TPRG1: variants seen among roughly 807,000 people sequenced by gnomAD.
TPRG1 encodes the protein tumor protein p63-regulated gene 1 protein.
A neutral mutation model predicts 29.3 loss-of-function variants in TPRG1; 29 were observed. That is an observed-to-expected ratio of 0.99 (90% CI 0.74 to 1.35). The LOEUF is 1.35. Among genes scored for constraint, TPRG1 ranks in the 40% most tolerant of loss-of-function variants. The pLI is 0.00. For synonymous variants in TPRG1, 130 were observed against 116.8 expected, an observed-to-expected ratio of 1.11 and a Z score of -0.73; for missense variants, 327 against 335.0, an observed-to-expected ratio of 0.98 and a Z score of 0.19.
chr3:189,217,703 T>A (rs1284692049), intron 3 of TPRG1, among the ~76,000 whole-genome samples: 1 of 152,182 alleles, frequency 6.6e-6, no homozygotes, highest in Non-Finnish European at 1.5e-5. Flanking sequence ...CTGCTAGTTG[T>A]AAAGACCATG....
chr3:189,088,893 C>T lies in TPRG1; in HGVS notation c.-462-38164C>T, dbSNP rs563208368. Among the ~76,000 whole-genome samples, 3 of 152,172 alleles carry T rather than the reference C, an allele frequency of 2.0e-5. No individual in the cohort carries two copies. The South Asian group carries it at 6.2e-4, about 32-fold the overall frequency. On this transcript the variant is annotated intron_variant, in intron 4 of 10. Coordinates refer to the TPRG1 transcript ENST00000433971. ...AAAGCAAGTTATTAGATTAAATTAC[C>T]AATGAAGTCACTCCAAGCCCTAATG...
At chr3:189,020,434 T>G (rs1713232642) in intron 3 of TPRG1, among the ~76,000 whole-genome samples, 1 of 151,784 alleles carries the variant, frequency 6.6e-6, no homozygotes, top group Non-Finnish European at 1.5e-5. Context: ...TGTTGTGTCT[T>G]TGTTCTCGTT....
chr3:189,017,691 C>T (rs1288179286), intron 3 of TPRG1, among the ~76,000 whole-genome samples: 8 of 152,190 alleles, frequency 5.3e-5, no homozygotes, highest in Admixed American at 1.3e-4. Context: ...TATAAACATA[C>T]GTGTGCATGT....
intron 5 of TPRG1, 72 bp from the exon 6 acceptor site, chr3:189,320,554 G>A: frequency 7.3e-7 from 1 of 1,363,650 alleles, no homozygotes; most frequent in Middle Eastern, 2.0e-4. Context: ...TGTGAAGACT[G>A]GCTGGGGAGA....
chr3:189,280,540 A>G (rs982205878), intron 4 of TPRG1, among the ~76,000 whole-genome samples: 2 of 152,054 alleles, frequency 1.3e-5, no homozygotes, highest in Non-Finnish European at 2.9e-5. Context: ...AAGCTGCAGC[A>G]TTGAGACCCA....
intron 4 of TPRG1, among the ~76,000 whole-genome samples, chr3:189,286,912 C>A (rs1459787270): frequency 6.6e-6 from 1 of 152,108 alleles, no homozygotes; most frequent in Non-Finnish European, 1.5e-5. Context: ...TTCTAACGAA[C>A]TCCTCTTTTT....
chr3:189,074,875 G>C lies in TPRG1; in HGVS notation c.-463+50929G>C, dbSNP rs752081946. Among the ~76,000 whole-genome samples, 10 of 151,360 alleles carry C rather than the reference G, an allele frequency of 6.6e-5. 1 individual carries two copies. Among genetic ancestry groups the C allele is most frequent in the Middle Eastern group, 6.8e-3 (2 of 292 alleles). On this transcript the variant is annotated intron_variant, in intron 4 of 10. Coordinates refer to the TPRG1 transcript ENST00000433971. ...CGCCCAGGCTGGAGTGCAGTGGCGC[G>C]ATCTCCGCTCACTGCAAGCTCCGCC...
At chr3:189,009,011 T>G (rs1051508030) in intron 3 of TPRG1, among the ~76,000 whole-genome samples, 4 of 152,094 alleles carry the variant, frequency 2.6e-5, no homozygotes, top group Non-Finnish European at 5.9e-5. Context: ...GGTGTGCGAG[T>G]AAACTGGGGA....
At chr3:189,247,559 T>G (rs1413881222) in intron 4 of TPRG1, among the ~76,000 whole-genome samples, 2 of 152,016 alleles carry the variant, frequency 1.3e-5, no homozygotes, top group Admixed American at 6.6e-5. Context: ...TGGAGACTAC[T>G]TACTCTCCAA....
chr3:189,137,304 G>A (rs1200701647), intron 3 of TPRG1, among the ~76,000 whole-genome samples: 1 of 81,558 alleles, frequency 1.2e-5, no homozygotes, highest in Admixed American at 1.5e-4. Context: ...AAATGTGTGT[G>A]TGTGTGTGTG....
chr3:189,254,546 A>T (rs1037514382), intron 4 of TPRG1, among the ~76,000 whole-genome samples: 6 of 152,140 alleles, frequency 3.9e-5, no homozygotes, highest in African/African-American at 2.4e-5. Flanking sequence ...ATTTTTTCCT[A>T]ATTCTCTGAA....
intron 4 of TPRG1, among the ~76,000 whole-genome samples, chr3:189,309,560 C>T (rs1468848366): frequency 2.0e-5 from 3 of 152,170 alleles, no homozygotes; most frequent in Non-Finnish European, 4.4e-5. Context: ...ATACCTGAAA[C>T]CACAAATCAT....
chr3:189,299,216 T>C (rs913618196), intron 4 of TPRG1, among the ~76,000 whole-genome samples: 1 of 152,148 alleles, frequency 6.6e-6, no homozygotes, highest in Non-Finnish European at 1.5e-5. Context: ...CAATTCATAA[T>C]GAAGGGAGTT....
intron 4 of TPRG1, among the ~76,000 whole-genome samples, chr3:189,068,741 A>T (rs1238494128): frequency 6.6e-6 from 1 of 151,916 alleles, no homozygotes; most frequent in Non-Finnish European, 1.5e-5. Context: ...GTGCCACTGC[A>T]CTCCAGCCCG....
At chr3:189,203,300 A>G (rs1208595271) in intron 1 of TPRG1, among the ~76,000 whole-genome samples, 1 of 152,102 alleles carries the variant, frequency 6.6e-6, no homozygotes, top group Non-Finnish European at 1.5e-5. Context: ...GTCTAATCAA[A>G]GGCAAGGTAG....
intron 3 of TPRG1, among the ~76,000 whole-genome samples, chr3:189,230,863 G>A (rs1247401963): frequency 6.6e-6 from 1 of 152,190 alleles, no homozygotes; most frequent in Non-Finnish European, 1.5e-5. Flanking sequence ...GTAGTGAGAA[G>A]AAGTTCAATC....
At chr3:189,285,247 C>T (rs1024654485) in intron 4 of TPRG1, among the ~76,000 whole-genome samples, 1 of 152,160 alleles carries the variant, frequency 6.6e-6, no homozygotes, top group African/African-American at 2.4e-5. Flanking sequence ...AGTTAACACA[C>T]TGTTGGAAAA....
intron 4 of TPRG1, among the ~76,000 whole-genome samples, chr3:189,047,843 A>G (rs6787475): frequency 0.089 from 13,491 of 152,256 alleles, 948 homozygotes; most frequent in African/African-American, 0.19. Flanking sequence ...CAATTCAGTT[A>G]CATCTTCAGG....
chr3:189,317,975 A>G (rs1479594023), intron 5 of TPRG1, among the ~76,000 whole-genome samples: 4 of 152,256 alleles, frequency 2.6e-5, no homozygotes, highest in Admixed American at 6.5e-5. Flanking sequence ...TTGTCTCTAC[A>G]CACTTGAATT....
Sources: gnomAD v4.1 joint callset for allele counts (sites outside exome capture counted in the v4.1 genomes callset) on GRCh38, gnomAD v4.1.1 for gene constraint, MANE v1.5 for transcripts, NCBI Gene and HGNC (gene_info 2026-07-23, HGNC 2026-07-21) for gene names.